The following TRIM7 variants were observed in gnomAD, a reference collection of about 807,000 sequenced individuals.
The protein encoded by TRIM7 is tripartite motif containing 7.
A neutral mutation model predicts 37.9 loss-of-function variants in TRIM7; 32 were observed. The observed-to-expected ratio is 0.84, with a 90% CI of 0.64 to 1.13. The LOEUF (loss-of-function observed/expected upper bound fraction) is 1.13, where lower values mean the gene tolerates loss of function less well. Ranked by LOEUF, TRIM7 falls within the 50% of genes most tolerant of loss-of-function variation. The pLI, the probability that TRIM7 is intolerant of heterozygous loss-of-function variation, is 0.00. For synonymous variants in TRIM7, 351 were observed against 321.3 expected (o/e 1.09, Z -0.99); for missense variants, 732 against 714.0 (o/e 1.03, Z -0.29).
At chr5:181,199,633 T>A in intron 3 of TRIM7, 1 of 688,068 alleles carries the variant, frequency 1.5e-6, no homozygotes, top group African/African-American at 1.8e-5. Flanking sequence ...AGCTTGTGAT[T>A]CTGAAATACG....
chr5:181,195,858 CG>C, intron 6 of TRIM7, 181 bp from the exon 7 acceptor site: 1 of 661,226 alleles, frequency 1.5e-6, no homozygotes, highest in Non-Finnish European at 2.3e-6. Flanking sequence ...TGCTTCCCCC[CG>C]CCCCGACCAC....
At chr5:181,203,359 C>T in intron 2 of TRIM7, 186 bp downstream of exon 2, 3 of 1,417,076 alleles carry the variant, frequency 2.1e-6, no homozygotes, top group Middle Eastern at 1.9e-4. Flanking sequence ...CTGCTTTTCA[C>T]TTTAAAAAGC....
Position 181,204,678 on chromosome 5 carries a change from C to G in TRIM7, c.433G>C (p.Gly145Arg), listed in dbSNP as rs1055355050. 1.3e-6 allele frequency: 2 copies of G among 1,511,418 alleles called. No homozygotes were observed. Among genetic ancestry groups the G allele is most frequent in the Non-Finnish European group, 1.8e-6 (2 of 1,140,998 alleles). 93.6% of individuals were successfully genotyped at this position (1,511,418 alleles called of 1,614,324 possible). The change falls in exon 1 of 7, where the codon GGA (glycine) becomes CGA (arginine). Residue 145 changes from glycine (G) to arginine (R), a missense_variant. Physicochemically the swap from Gly to Arg is moderately radical, Grantham distance 125 (BLOSUM62 -2). Coordinates refer to ENST00000274773, the MANE Select transcript of TRIM7 (RefSeq NM_203293.3). ...TCGCACACCACGCAGATGGCGCGTC[C>G]GTCGTCCTGGCAGTAGAGCTTGAAG... ...EPFKLYCQDDGRAICVVCDRA... is the reference protein window; with the variant it reads ...EPFKLYCQDDRRAICVVCDRA...
intron 3 of TRIM7, chr5:181,199,417 GT>G (rs1241825086): frequency 1.9e-6 from 1 of 524,536 alleles, no homozygotes; most frequent in African/African-American, 1.9e-5. Flanking sequence ...CCAGTGCTGC[GT>G]GTGTCCTGGA....
intron 2 of TRIM7, chr5:181,200,779 A>G: frequency 1.0e-6 from 1 of 985,956 alleles, no homozygotes; most frequent in Non-Finnish European, 1.2e-6. Context: ...TTTTATGTGA[A>G]CACACGTTTG....
intron 2 of TRIM7, 173 bp downstream of exon 2, chr5:181,203,372 T>G: frequency 6.9e-7 from 1 of 1,439,106 alleles, no homozygotes; most frequent in Non-Finnish European, 9.1e-7. Flanking sequence ...TAAAAAGCTC[T>G]GGTTTGTACA....
At chr5:181,203,321 C>G in intron 2 of TRIM7, 1 of 1,345,570 alleles carries the variant, frequency 7.4e-7, no homozygotes, top group Non-Finnish European at 9.5e-7. Flanking sequence ...CAGTTTAAGC[C>G]AGTTGTTTTG....
Position 181,195,294 on chromosome 5 carries a change from C to G in TRIM7, c.1408G>C (p.Gly470Arg), listed in dbSNP as rs757628146. ...TCCACAGCGTAGAAGGACACGGCTC[C>G]CACCTCCAGGTCCAGGGCCACCCGC... ...RVRVALDLEV[G>R]AVSFYAVEDM... The change falls in exon 7 of 7, where the codon GGA becomes CGA. Residue 470 changes from glycine to arginine, a missense_variant. Gly to Arg is a moderately radical substitution (Grantham distance 125, BLOSUM62 -2). Coordinates refer to ENST00000274773, the MANE Select transcript of TRIM7 (RefSeq NM_203293.3). The G allele has an allele frequency of 5.0e-6, 8 of 1,604,310 alleles. No homozygotes were observed. The highest frequency in any genetic ancestry group is 8.5e-7 in the Non-Finnish European group (1 of 1,175,836).
intron 1 of TRIM7, chr5:181,203,935 G>T: frequency 8.6e-7 from 1 of 1,161,028 alleles, no homozygotes; most frequent in Non-Finnish European, 1.1e-6. Context: ...CCCCGTGGCT[G>T]GGAGAGTTGG....
At chr5:181,204,520 G>T (rs1757701189) in intron 1 of TRIM7, 69 bp downstream of exon 1, 1 of 1,302,632 alleles carries the variant, frequency 7.7e-7, no homozygotes. Context: ...TCTGCACCCC[G>T]TGCGCGGGAG....
chr5:181,199,361 C>T (rs1485625117), intron 3 of TRIM7: 1 of 581,406 alleles, frequency 1.7e-6, no homozygotes, highest in Non-Finnish European at 3.1e-6. Context: ...TCTATCTTTG[C>T]TGCTTTCTTA....
At chr5:181,200,286 C>T in intron 2 of TRIM7, 1 of 1,443,482 alleles carries the variant, frequency 6.9e-7, no homozygotes, top group Non-Finnish European at 9.1e-7. Flanking sequence ...CTCTTTTCTC[C>T]CCTGCCACAG....
intron 2 of TRIM7, 128 bp downstream of exon 2, chr5:181,203,417 T>A: frequency 6.5e-7 from 1 of 1,527,374 alleles, no homozygotes; most frequent in South Asian, 1.3e-5. Context: ...ATATGGACTC[T>A]ATTATCTTTC....
Position 181,195,526 on chromosome 5 carries a change from G to C in TRIM7, c.1176C>G (p.Phe392Leu). Residue 392 changes from phenylalanine (F) to leucine (L), a missense_variant, in exon 7 of 7, where the codon TTC (phenylalanine) becomes TTG (leucine). Transcript: ENST00000274773. ...CCTCCCAGTGATGCCGGCCCGAGGAGAAGCCGCAGGACGCCAGGACGCGGG... is the reference window on the plus strand; with the variant it reads ...CCTCCCAGTGATGCCGGCCCGAGGACAAGCCGCAGGACGCCAGGACGCGGG... The part of the protein sequence containing the change: ...TNTRVLASCG[F>L]SSGRHHWEVE... 1 of 1,612,658 alleles carries C rather than the reference G, an allele frequency of 6.2e-7. No individual in the cohort carries two copies. Among genetic ancestry groups the C allele is most frequent in the Non-Finnish European group, 8.5e-7 (1 of 1,179,468 alleles).
chr5:181,198,592 A>T (rs1757281768), intron 5 of TRIM7, 98 bp downstream of exon 5: 2 of 855,800 alleles, frequency 2.3e-6, no homozygotes, highest in South Asian at 2.9e-5. Flanking sequence ...CTATTTTCAC[A>T]CACAGCTTCT....
At chr5:181,199,032 C>G in intron 4 of TRIM7, 63 bp downstream of exon 4, 1 of 1,602,936 alleles carries the variant, frequency 6.2e-7, no homozygotes, top group Non-Finnish European at 8.5e-7. Flanking sequence ...GGAATAAAGA[C>G]AAGGCTCAGT....
At position 181,205,141 on chromosome 5, in the gene TRIM7, C is replaced by T; in HGVS notation, c.-31G>A. The T allele has an allele frequency of 7.8e-7, 1 of 1,280,790 alleles. No homozygotes were observed. Among genetic ancestry groups the T allele is most frequent in the Non-Finnish European group, 9.9e-7 (1 of 1,013,552 alleles). The allele number at this position is 1,280,790 out of a possible 1,614,324, so 79.3% of individuals were successfully genotyped here. The stretch of plus-strand genomic sequence containing the variant: ...CTCTCCGCGCACCCAGATCTGGTCG[C>T]GCCTGGGCGGCCACTGGACCTCACA... On this transcript the variant is annotated 5_prime_UTR_variant, in exon 1 of 7. Coordinates refer to ENST00000274773, the MANE Select transcript of TRIM7 (RefSeq NM_203293.3).
Position 181,195,417 on chromosome 5 carries a change from C to T in TRIM7, c.1285G>A (p.Glu429Lys), listed in dbSNP as rs769676294. 6.3e-7 allele frequency: 1 copy of T among 1,599,104 alleles called. No individual in the cohort carries two copies. The highest frequency in any genetic ancestry group is 1.3e-5 in the African/African-American group (1 of 74,560). The change falls in exon 7 of 7, where the codon GAG (glutamate) becomes AAG (lysine). Residue 429 changes from glutamate (E) to lysine (K), a missense_variant. Coordinates refer to ENST00000274773, the MANE Select transcript of TRIM7 (RefSeq NM_203293.3). Reference protein sequence around the residue: ...RRKGLTPFTPEEGVWALQLNG... With the variant: ...RRKGLTPFTPKEGVWALQLNG... ...AGCTGCAGGGCCCAGACGCCCTCCT[C>T]GGGAGTGAAGGGCGTCAGGCCCTTT...
intron 2 of TRIM7, 173 bp downstream of exon 2, chr5:181,203,372 T>C: frequency 1.4e-6 from 2 of 1,439,106 alleles, no homozygotes; most frequent in South Asian, 1.7e-5. Flanking sequence ...TAAAAAGCTC[T>C]GGTTTGTACA....
Sources: allele counts gnomAD v4.1 joint callset, GRCh38; gene constraint gnomAD v4.1.1; transcripts MANE v1.5; gene names NCBI Gene and HGNC (gene_info 2026-07-23, HGNC 2026-07-21).